The following GGA3 variants were observed in gnomAD, a reference collection of about 807,000 sequenced individuals.
GGA3 encodes ADP-ribosylation factor-binding protein GGA3.
GGA3 carries 57 observed loss-of-function variants against 77.5 expected under a neutral mutation model. The ratio of observed to expected loss-of-function variants is 0.74; its 90% CI spans 0.59 to 0.92. The LOEUF is 0.92. Ranked by LOEUF, GGA3 falls within the 40% of genes least tolerant of loss-of-function variation. The probability of loss-of-function intolerance (pLI) is 0.00; values close to 1 mark genes in which losing one functional copy is unlikely to be tolerated. For missense variants in GGA3, 970 were observed against 914.9 expected (o/e 1.06, Z -0.78); for synonymous variants, 416 against 383.7 (o/e 1.08, Z -0.98).
At chr17:75,249,108 C>T (rs915274280) in intron 1 of GGA3, 109 of 525,896 alleles carry the variant, frequency 2.1e-4, no homozygotes, top group Non-Finnish European at 2.5e-4. Context: ...TGCAGTGGCG[C>T]GATCTAGGCT....
chr17:75,261,971 T>C (rs1007556191), upstream of GGA3: 2 of 1,603,406 alleles, frequency 1.2e-6, no homozygotes, highest in Non-Finnish European at 1.7e-6. Flanking sequence ...CGGGCTGTCT[T>C]GCAGCTTCCA....
intron 1 of GGA3, 76 bp downstream of exon 1, chr17:75,261,471 CG>C: frequency 1.7e-6 from 2 of 1,204,242 alleles, no homozygotes; most frequent in Non-Finnish European, 2.2e-6. Context: ...CCGTGGAGCC[CG>C]GGGAGGGGAC....
intron 1 of GGA3, among the ~76,000 whole-genome samples, chr17:75,256,645 C>T (rs34996752): frequency 0.54 from 81,524 of 151,978 alleles, 26,640 homozygotes; most frequent in East Asian, 0.86. Context: ...AACCTCATTT[C>T]CTTTCCATTG....
intron 1 of GGA3, 111 bp from the exon 2 acceptor site, chr17:75,246,907 C>G (rs1053913952): frequency 1.3e-6 from 1 of 787,210 alleles, no homozygotes; most frequent in Non-Finnish European, 2.1e-6. Context: ...ACTTTACTCT[C>G]TAATAGAGAA....
At position 75,240,401 on chromosome 17, in the gene GGA3, G is replaced by T; in HGVS notation, c.1204C>A (p.Pro402Thr). ...EELLCLGLAD[P>T]APNVPPKESA... Reference sequence around the variant, plus strand: ...TCTTTGGGAGGAACATTAGGGGCTGGGTCGGCGAGGCCTGACAATAGAGAA... The same window carrying T: ...TCTTTGGGAGGAACATTAGGGGCTGTGTCGGCGAGGCCTGACAATAGAGAA... The change falls in exon 12 of 17, where the codon CCA becomes ACA. Residue 402 changes from proline (P) to threonine (T), a missense_variant. Physicochemically the swap from Pro to Thr is conservative, Grantham distance 38 (BLOSUM62 -1). Transcript: ENST00000537686. The T allele has an allele frequency of 6.3e-7, 1 of 1,595,910 alleles. No individual in the cohort carries two copies. Among genetic ancestry groups the T allele is most frequent in the South Asian group, 1.1e-5 (1 of 87,808 alleles).
In GGA3 at chr17:75,240,112, T is replaced by C. The variant is rs777255405; in HGVS notation, c.1264-4A>G. 5 of 1,464,014 alleles carry C rather than the reference T, an allele frequency of 3.4e-6. No homozygotes were observed. Among genetic ancestry groups the C allele is most frequent in the African/African-American group, 1.5e-5 (1 of 67,002 alleles). 90.7% of individuals were successfully genotyped at this position (1,464,014 alleles called of 1,614,324 possible). ...AGTCCAGGTCGGACTGTTCCCTCTA[T>C]GAACAACAGAAAGGGTGGTGAGCCG... On this transcript the variant is annotated splice_polypyrimidine_tract_variant and splice_region_variant and intron_variant, in intron 12 of 16. Coordinates refer to ENST00000537686, the MANE Select transcript of GGA3 (RefSeq NM_138619.4).
At chr17:75,238,455 G>C in intron 16 of GGA3, 66 bp from the exon 17 acceptor site, 1 of 1,358,220 alleles carries the variant, frequency 7.4e-7, no homozygotes, top group Admixed American at 1.8e-5. Context: ...CCTCTATTCT[G>C]CTACCCTCTC....
Position 75,236,740 on chromosome 17 carries a change from C to CA in GGA3, c.*1538dup, listed in dbSNP as rs1206160587. On this transcript the variant is annotated 3_prime_UTR_variant, in exon 17 of 17. Transcript: ENST00000537686. ...TAACTGTAATGTCTAGAGCATAACA[C>CA]AAAGTTCCATTTCCACATAGTAATT... The CA allele has an allele frequency of 3.3e-5, 5 of 153,676 alleles. No homozygotes were observed. The highest frequency in any genetic ancestry group is 1.2e-4 in the African/African-American group (5 of 41,472). The allele number at this position is 153,676 out of a possible 1,614,324, so 9.5% of individuals were successfully genotyped here.
intron 1 of GGA3, among the ~76,000 whole-genome samples, chr17:75,260,299 T>A (rs1290924497): frequency 6.6e-6 from 1 of 152,224 alleles, no homozygotes; most frequent in Non-Finnish European, 1.5e-5. Context: ...TCTGGGCAAG[T>A]GGTTTGACTG....
chr17:75,252,734 T>C (rs1016399970), intron 1 of GGA3, among the ~76,000 whole-genome samples: 1 of 152,218 alleles, frequency 6.6e-6, no homozygotes, highest in Non-Finnish European at 1.5e-5. Context: ...TAGCCTTACC[T>C]GATGACATTC....
At position 75,240,881 on chromosome 17, in the gene GGA3, C is replaced by T. The variant is rs112645273; in HGVS notation, c.1123G>A (p.Glu375Lys). ...PPRSRSSSQA[E>K]ATLGPSSTSN... ...GTGCTGCTGGGCCCCAGGGTGGCCT[C>T]GGCCTGGCTAGAGGAGCGGCTCCGT... The change falls in exon 11 of 17, where the codon GAG becomes AAG. Residue 375 changes from glutamate to lysine, a missense_variant. Transcript: ENST00000537686. 6 of 1,613,510 alleles carry T rather than the reference C, an allele frequency of 3.7e-6. No homozygotes were observed. Among genetic ancestry groups the T allele is most frequent in the Admixed American group, 1.7e-5 (1 of 59,980 alleles).
chr17:75,239,275 C>T (rs1196277885), intron 14 of GGA3, 100 bp downstream of exon 14: 6 of 1,120,206 alleles, frequency 5.4e-6, no homozygotes, highest in African/African-American at 1.6e-5. Context: ...CTTTAAGGGA[C>T]CCCCTGCAAA....
Position 75,246,737 on chromosome 17 carries a change from C to CTGAT in GGA3, c.99_100insATCA (p.Asp34IlefsTer50). 1 of 1,613,938 alleles carries CTGAT rather than the reference C, an allele frequency of 6.2e-7. No individual in the cohort carries two copies. The highest frequency in any genetic ancestry group is 1.1e-5 in the South Asian group (1 of 91,070). On this transcript the variant is annotated frameshift_variant, in exon 2 of 17. Coordinates refer to ENST00000537686, the MANE Select transcript of GGA3 (RefSeq NM_138619.4). LOFTEE classifies it high-confidence loss of function. ...CCTTCCAGCTCCTTGTTGATCTGAT[C>CTGAT]ACAGAAGCCAATTATGTATTCCCAG... is the stretch of plus-strand genomic sequence containing the variant.
At chr17:75,260,137 C>T (rs1284915452) in intron 1 of GGA3, among the ~76,000 whole-genome samples, 9 of 152,148 alleles carry the variant, frequency 5.9e-5, no homozygotes, top group Admixed American at 3.3e-4. Context: ...CAACAGCGCG[C>T]GAGACTCTGT....
In GGA3 at chr17:75,240,420, T is replaced by A; in HGVS notation, c.1193-8A>T. On this transcript the variant is annotated splice_polypyrimidine_tract_variant and splice_region_variant and intron_variant, in intron 11 of 16. Coordinates refer to ENST00000537686, the MANE Select transcript of GGA3 (RefSeq NM_138619.4). ...GGGCTGGGTCGGCGAGGCCTGACAA[T>A]AGAGAAGAAAACAGGATGAGAAGAG... is the stretch of plus-strand genomic sequence containing the variant. The A allele has an allele frequency of 6.3e-7, 1 of 1,579,100 alleles. No homozygotes were observed.
intron 12 of GGA3, 102 bp from the exon 13 acceptor site, chr17:75,240,210 A>G: frequency 8.5e-7 from 1 of 1,182,652 alleles, no homozygotes; most frequent in Non-Finnish European, 1.2e-6. Flanking sequence ...ACAGCCCCGG[A>G]GGCACTCATT....
rs776432859 is a variant in GGA3 at position 75,244,630 on chromosome 17, C to T, written c.289G>A (p.Val97Ile). ...FRFLNELIKV[V>I]SPKYLGDRVS... ...TGCCGCTGACTGACCTTTGGAGAGA[C>T]GACTTTGATTAACTCATTCAAAAAG... Residue 97 changes from valine (V) to isoleucine (I), a missense_variant, in exon 4 of 17, where the codon GTC becomes ATC. Val to Ile is a conservative substitution (Grantham distance 29). Transcript: ENST00000537686. 26 of 1,609,106 alleles carry T rather than the reference C, an allele frequency of 1.6e-5. No individual in the cohort carries two copies. Among genetic ancestry groups the T allele is most frequent in the South Asian group, 6.6e-5 (6 of 90,982 alleles).
Position 75,240,980 on chromosome 17 carries a change from A to G in GGA3, c.1024T>C (p.Leu342=). 6.2e-7 allele frequency: 1 copy of G among 1,614,130 alleles called. No individual in the cohort carries two copies. ...LDTTNSLSSV[L]APAPTPPSSG... ...GAGGGTGGAGTAGGTGCTGGGGCCA[A>G]CACGGAGGACAAACTGTTGGTCGTG... is the stretch of plus-strand genomic sequence containing the variant. Residue 342 remains leucine, a synonymous_variant, in exon 11 of 17, where the codon TTG becomes CTG. Coordinates refer to ENST00000537686, the MANE Select transcript of GGA3 (RefSeq NM_138619.4).
intron 7 of GGA3, 139 bp from the exon 8 acceptor site, chr17:75,242,612 T>C (rs2076600273): frequency 9.8e-7 from 1 of 1,017,306 alleles, no homozygotes; most frequent in Non-Finnish European, 1.5e-6. Flanking sequence ...GGGCCCAGTC[T>C]ATACTTCTGC....
Sources: allele counts gnomAD v4.1 joint callset (sites outside exome capture counted in the v4.1 genomes callset), GRCh38; gene constraint gnomAD v4.1.1; transcripts MANE v1.5; gene names NCBI Gene and HGNC (gene_info 2026-07-23, HGNC 2026-07-21).